KCNJ15: variants seen among roughly 807,000 people sequenced by gnomAD.
KCNJ15 encodes the protein potassium inwardly rectifying channel subfamily J member 15.
Under a neutral mutation model 23.0 loss-of-function variants are expected in KCNJ15, and 14 were observed. That is an observed-to-expected ratio of 0.61 (90% CI 0.40 to 0.95). The LOEUF is 0.95. Among genes scored for constraint, KCNJ15 ranks in the 40% least tolerant of loss-of-function variants. The pLI is 0.00. For synonymous variants in KCNJ15, 185 were observed against 183.2 expected (o/e 1.01, Z -0.08); for missense variants, 388 against 461.8 (o/e 0.84, Z 1.46).
chr21:38,262,726 TGG>T (rs1981044319), intron 1 of KCNJ15, among the ~76,000 whole-genome samples: 1 of 151,812 alleles, frequency 6.6e-6, no homozygotes. Context: ...TCACCCAGGC[TGG>T]GGTGCAGTGA....
At chr21:38,229,996 A>C (rs1988687972) in intron 1 of KCNJ15, among the ~76,000 whole-genome samples, 1 of 152,216 alleles carries the variant, frequency 6.6e-6, no homozygotes, top group African/African-American at 2.4e-5. Context: ...GTTACTGTGA[A>C]CATTCATGCA....
At chr21:38,271,268 C>G (rs1287733742) in intron 1 of KCNJ15, among the ~76,000 whole-genome samples, 2 of 152,220 alleles carry the variant, frequency 1.3e-5, no homozygotes, top group East Asian at 3.8e-4. Context: ...CCCCATCTCC[C>G]AGTATCATTG....
At chr21:38,294,943 AC>A (rs1984989959) in intron 1 of KCNJ15, among the ~76,000 whole-genome samples, 1 of 152,186 alleles carries the variant, frequency 6.6e-6, no homozygotes, top group African/African-American at 2.4e-5. Context: ...AAAAATTGCA[AC>A]CCCAACCCAC....
chr21:38,283,574 T>C (rs1348412429), intron 1 of KCNJ15, among the ~76,000 whole-genome samples: 3 of 152,258 alleles, frequency 2.0e-5, no homozygotes, highest in Non-Finnish European at 4.4e-5. Context: ...TTGCTTCTAA[T>C]GTTTTAATAT....
intron 1 of KCNJ15, among the ~76,000 whole-genome samples, chr21:38,275,849 A>ATT (rs199667087): frequency 7.4e-4 from 112 of 151,160 alleles, no homozygotes; most frequent in Non-Finnish European, 1.2e-3. Context: ...TCTTTCTCCT[A>ATT]TTTTTTTTTC....
chr21:38,286,453 T>C lies in KCNJ15; in HGVS notation c.-116-10473T>C, dbSNP rs76957997. Among the ~76,000 whole-genome samples, 434 of 152,322 alleles carry C rather than the reference T, an allele frequency of 2.8e-3. 5 individuals carry two copies. The highest frequency in any genetic ancestry group is 9.9e-3 in the African/African-American group (411 of 41,570). ...GAATGTCTCCTCATTGGTCTTACTGTTCCAATCACGTGAGCACCAATGTAA... is the reference window on the plus strand; with the variant it reads ...GAATGTCTCCTCATTGGTCTTACTGCTCCAATCACGTGAGCACCAATGTAA... On this transcript the variant is annotated intron_variant, in intron 1 of 2. Coordinates refer to ENST00000398938, the MANE Select transcript of KCNJ15 (RefSeq NM_170736.3).
intron 1 of KCNJ15, among the ~76,000 whole-genome samples, chr21:38,270,659 A>C (rs1981974079): frequency 6.6e-6 from 1 of 152,180 alleles, no homozygotes; most frequent in Non-Finnish European, 1.5e-5. Context: ...CCCTATCACC[A>C]AAATGCCCAA....
At chr21:38,270,209 C>T (rs1309085523) in intron 1 of KCNJ15, among the ~76,000 whole-genome samples, 3 of 152,158 alleles carry the variant, frequency 2.0e-5, no homozygotes, top group African/African-American at 7.2e-5. Flanking sequence ...CCTAGTGTGT[C>T]TCTTTGCTAC....
At chr21:38,266,064 A>G (rs1195421898) in intron 1 of KCNJ15, among the ~76,000 whole-genome samples, 3 of 152,208 alleles carry the variant, frequency 2.0e-5, no homozygotes, top group African/African-American at 7.2e-5. Flanking sequence ...GGCCACAGTC[A>G]GGACAAAGCT....
Position 38,300,483 on chromosome 21 carries a change from A to G in KCNJ15, c.*94A>G, listed in dbSNP as rs116950625. 1.8e-6 allele frequency: 2 copies of G among 1,096,084 alleles called. No homozygotes were observed. The highest frequency in any genetic ancestry group is 4.8e-5 in the East Asian group (2 of 41,584). 67.9% of individuals were successfully genotyped at this position (1,096,084 alleles called of 1,614,324 possible). A position where few individuals can be genotyped will look rare whatever the true frequency, so the allele number is the denominator to read the frequency against. ...GATTGCTGTGAAAACGAAAATGTGT[A>G]GACGCACTCTCAAAAACTGCACGGA... On this transcript the variant is annotated 3_prime_UTR_variant, in exon 3 of 3. Coordinates refer to ENST00000398938, the MANE Select transcript of KCNJ15 (RefSeq NM_170736.3).
chr21:38,296,808 T>A (rs182236899), intron 1 of KCNJ15, 118 bp from the exon 2 acceptor site: 2 of 152,722 alleles, frequency 1.3e-5, no homozygotes, highest in Non-Finnish European at 2.9e-5. Context: ...ACTGTGCCGA[T>A]TTCCAGGGAT....
chr21:38,273,739 G>A (rs1355166853), intron 1 of KCNJ15, among the ~76,000 whole-genome samples: 1 of 152,198 alleles, frequency 6.6e-6, no homozygotes, highest in Non-Finnish European at 1.5e-5. Context: ...ATAGTTAAAC[G>A]ATCAACATAA....
Position 38,273,540 on chromosome 21 carries a change from C to T in KCNJ15, c.-117+16355C>T, listed in dbSNP as rs756860483. 2.6e-5 allele frequency among the ~76,000 whole-genome samples: 4 copies of T among 152,332 alleles called. No individual in the cohort carries two copies. In the East Asian group the frequency reaches 7.7e-4, roughly 29 times the overall value. ...TTTCTACTTGGTCTATTTCCATGTC[C>T]TGTCAATGACCTATCAATTACCCTA... On this transcript the variant is annotated intron_variant, in intron 1 of 2. Transcript: ENST00000398938.
At chr21:38,252,618 G>A (rs775685104), upstream of KCNJ15, among the ~76,000 whole-genome samples, 8 of 152,210 alleles carry the variant, frequency 5.3e-5, no homozygotes, top group African/African-American at 7.2e-5. Context: ...ATAAAATCTC[G>A]TGCATCTTAA....
chr21:38,261,895 C>G (rs1980940708), intron 1 of KCNJ15, among the ~76,000 whole-genome samples: 1 of 152,122 alleles, frequency 6.6e-6, no homozygotes, highest in African/African-American at 2.4e-5. Context: ...TGGTGAGAAG[C>G]CTTCCTCTTT....
chr21:38,290,756 A>G (rs1415596223), intron 1 of KCNJ15, among the ~76,000 whole-genome samples: 1 of 152,116 alleles, frequency 6.6e-6, no homozygotes, highest in Non-Finnish European at 1.5e-5. Context: ...CCCTGTTTCC[A>G]GTAGCCAGTG....
At chr21:38,238,539 G>A (rs989219317) in intron 1 of KCNJ15, 32 of 639,972 alleles carry the variant, frequency 5.0e-5, no homozygotes, top group Non-Finnish European at 7.7e-5. Flanking sequence ...ATGCCACCGG[G>A]ACATGGTGCA....
upstream of KCNJ15, among the ~76,000 whole-genome samples, chr21:38,252,318 C>T (rs1386456835): frequency 5.9e-5 from 9 of 152,204 alleles, no homozygotes; most frequent in Admixed American, 5.9e-4. Context: ...AGGCTACCTT[C>T]AAACTCCCAG....
intron 1 of KCNJ15, among the ~76,000 whole-genome samples, chr21:38,287,123 G>A (rs1983992355): frequency 6.6e-6 from 1 of 152,142 alleles, no homozygotes. Flanking sequence ...TGAGAAGGCA[G>A]GCATGTGTCT....
Sources: allele counts gnomAD v4.1 joint callset (sites outside exome capture counted in the v4.1 genomes callset), GRCh38; gene constraint gnomAD v4.1.1; transcripts MANE v1.5; gene names NCBI Gene and HGNC (gene_info 2026-07-23, HGNC 2026-07-21).